The following PLXNC1 variants were observed in gnomAD, a reference collection of about 807,000 sequenced individuals.
PLXNC1 encodes plexin C1, also known as plexin-C1.
In PLXNC1, 75 loss-of-function variants were observed where a neutral mutation model predicts 178.2. The ratio of observed to expected loss-of-function variants is 0.42; its 90% CI spans 0.35 to 0.51. PLXNC1 has a LOEUF of 0.51. Ranked by LOEUF, PLXNC1 falls within the 20% of genes least tolerant of loss-of-function variation. The pLI, the probability that PLXNC1 is intolerant of heterozygous loss-of-function variation, is 0.02. For missense variants in PLXNC1, 1,503 were observed against 1,984.4 expected (o/e 0.76, Z 4.61); for synonymous variants, 790 against 779.9 (o/e 1.01, Z -0.22).
At chr12:94,192,788 C>T (rs1249737626) in intron 4 of PLXNC1, among the ~76,000 whole-genome samples, 1 of 152,120 alleles carries the variant, frequency 6.6e-6, no homozygotes, top group African/African-American at 2.4e-5. Context: ...GAAATATATT[C>T]CACCTACTCT....
chr12:94,164,780 CTCTT>C (rs1277365095), intron 1 of PLXNC1, among the ~76,000 whole-genome samples: 1 of 152,116 alleles, frequency 6.6e-6, no homozygotes, highest in Non-Finnish European at 1.5e-5. Flanking sequence ...AGCTCTTTCT[CTCTT>C]TCAGCCCAAA....
intron 17 of PLXNC1, among the ~76,000 whole-genome samples, chr12:94,257,948 T>TGGGAGGCGGAGGTTGCA (rs1964899837): frequency 6.9e-6 from 1 of 145,164 alleles, no homozygotes; most frequent in South Asian, 2.2e-4. Flanking sequence ...TGCTTGAACC[T>TGGGAGGCGGAGGTTGCA]GGGAGGCGGA....
rs192210319 is a variant in PLXNC1 at position 94,301,684 on chromosome 12, A to T, written c.4386+627A>T. Among the ~76,000 whole-genome samples the T allele has an allele frequency of 7.9e-4, 121 of 152,294 alleles. 1 individual carries two copies. In the East Asian group the frequency reaches 0.022, roughly 28 times the overall value. Reference sequence around the variant, plus strand: ...AATGGATCTTTGAACACTGAGGAGGAGTTCTTGGGCAGGACTTTAAGAGTA... The same window carrying T: ...AATGGATCTTTGAACACTGAGGAGGTGTTCTTGGGCAGGACTTTAAGAGTA... On this transcript the variant is annotated intron_variant, in intron 28 of 30. Coordinates refer to ENST00000258526, the MANE Select transcript of PLXNC1 (RefSeq NM_005761.3).
intron 1 of PLXNC1, among the ~76,000 whole-genome samples, chr12:94,156,389 C>T (rs1167623715): frequency 6.6e-5 from 10 of 152,180 alleles, no homozygotes; most frequent in Non-Finnish European, 1.3e-4. Flanking sequence ...GCACCATCCT[C>T]CTACCAAATA....
At chr12:94,187,021 A>AGG (rs1226143498) in intron 4 of PLXNC1, among the ~76,000 whole-genome samples, 1 of 152,360 alleles carries the variant, frequency 6.6e-6, no homozygotes, top group Middle Eastern at 3.4e-3. Flanking sequence ...ATCTAGGCTC[A>AGG]GGGGCGACTC....
intron 4 of PLXNC1, among the ~76,000 whole-genome samples, chr12:94,203,074 G>C (rs1963190063): frequency 6.6e-6 from 1 of 152,196 alleles, no homozygotes; most frequent in Non-Finnish European, 1.5e-5. Context: ...CAGGAACCCA[G>C]GTGAGAGGTG....
chr12:94,239,341 CTT>C, intron 10 of PLXNC1, among the ~76,000 whole-genome samples: 1 of 152,330 alleles, frequency 6.6e-6, no homozygotes, highest in East Asian at 1.9e-4. Context: ...TTTCACCTCT[CTT>C]CTTCTGAAAT....
intron 4 of PLXNC1, among the ~76,000 whole-genome samples, chr12:94,208,933 C>T (rs1963385358): frequency 6.6e-6 from 1 of 152,194 alleles, no homozygotes; most frequent in African/African-American, 2.4e-5. Flanking sequence ...CTGGGTCAGC[C>T]TCTGAGCTGG....
chr12:94,199,577 A>G lies in PLXNC1; in HGVS notation c.1440-10013A>G, dbSNP rs138753884. ...GAAGGGATTTGGGGGGCTTTCCAAC[A>G]CCAGAAGGGGTCTGGGGGTCAACCT... On this transcript the variant is annotated intron_variant, in intron 4 of 30. Transcript: ENST00000258526. Among the ~76,000 whole-genome samples, 676 of 152,152 alleles carry G rather than the reference A, an allele frequency of 4.4e-3. 6 individuals are homozygous for G. Among genetic ancestry groups the G allele is most frequent in the African/African-American group, 0.016 (645 of 41,520 alleles).
At chr12:94,256,315 G>A (rs1964837798) in intron 17 of PLXNC1, 1 of 152,160 alleles carries the variant, frequency 6.6e-6, no homozygotes, top group Non-Finnish European at 1.5e-5. Flanking sequence ...TAATTTAGAA[G>A]AGGACACCAT....
At chr12:94,242,506 C>T (rs140024067) in intron 11 of PLXNC1, among the ~76,000 whole-genome samples, 2 of 151,936 alleles carry the variant, frequency 1.3e-5, no homozygotes, top group African/African-American at 2.4e-5. Context: ...CCAATGACTT[C>T]GTTTAACCTT....
chr12:94,241,396 T>C (rs1964385378), intron 11 of PLXNC1, among the ~76,000 whole-genome samples: 1 of 152,190 alleles, frequency 6.6e-6, no homozygotes, highest in Non-Finnish European at 1.5e-5. Flanking sequence ...TTTTTAAATA[T>C]GCAATAAATT....
intron 10 of PLXNC1, among the ~76,000 whole-genome samples, chr12:94,240,086 C>T (rs1314853788): frequency 6.6e-6 from 1 of 152,136 alleles, no homozygotes; most frequent in Non-Finnish European, 1.5e-5. Flanking sequence ...ACACCATATC[C>T]TTCACTGCTA....
At chr12:94,185,876 T>G (rs1224487606) in intron 3 of PLXNC1, 1 of 157,658 alleles carries the variant, frequency 6.3e-6, no homozygotes, top group African/African-American at 2.4e-5. Flanking sequence ...CCAGGCAACC[T>G]GATTCCATGA....
intron 21 of PLXNC1, among the ~76,000 whole-genome samples, chr12:94,268,612 T>TTAA (rs148991956): frequency 1.5e-5 from 2 of 130,768 alleles, no homozygotes; most frequent in East Asian, 2.3e-4. Flanking sequence ...TTTTTTTTTT[T>TTAA]AATTTAAGGA....
rs3858611 is a variant in PLXNC1, at chr12:94,185,900, C to A, written c.1339-473C>A. 5.1e-3 allele frequency: 835 copies of A among 164,664 alleles called. 50 individuals are homozygous for A. The East Asian group carries it at 0.12, about 23-fold the overall frequency. The allele number at this position is 164,664 out of a possible 1,614,324, so 10.2% of individuals were successfully genotyped here. ...CTGATTCCATGATCCGTATGGAAAT[C>A]ATCATTAGCAGATCGGAAACCCAAC... is the stretch of plus-strand genomic sequence containing the variant. On this transcript the variant is annotated intron_variant, in intron 3 of 30. Transcript: ENST00000258526.
rs112036879 is a variant in PLXNC1 at position 94,209,615 on chromosome 12, C to G, written c.1465C>G (p.His489Asp). 6.2e-7 allele frequency: 1 copy of G among 1,603,104 alleles called. No homozygotes were observed. ...QRCTFQGDCV[H>D]SENLENWLDI... ...GTGCACTTTTCAAGGAGATTGTGTACATTCAGAGAACTTAGAAAACTGGCT... is the reference window on the plus strand; with the variant it reads ...GTGCACTTTTCAAGGAGATTGTGTAGATTCAGAGAACTTAGAAAACTGGCT... The change falls in exon 5 of 31, where the codon CAT becomes GAT. Residue 489 changes from histidine (H) to aspartate (D), a missense_variant. Physicochemically the swap from His to Asp is moderately conservative, Grantham distance 81. This residue lies in a region of PLXNC1 where 615 missense variants were observed against 698.6 expected (regional missense o/e 0.88). Coordinates refer to ENST00000258526, the MANE Select transcript of PLXNC1 (RefSeq NM_005761.3).
intron 4 of PLXNC1, among the ~76,000 whole-genome samples, chr12:94,206,069 A>G (rs530901959): frequency 6.6e-6 from 1 of 152,280 alleles, no homozygotes; most frequent in African/African-American, 2.4e-5. Flanking sequence ...GGCACACAGT[A>G]ATGTTTCCTC....
chr12:94,271,854 G>A (rs555700075), intron 21 of PLXNC1, among the ~76,000 whole-genome samples: 1 of 152,212 alleles, frequency 6.6e-6, no homozygotes, highest in Admixed American at 6.5e-5. Flanking sequence ...TATTGATGAT[G>A]TGGGATGTGG....
Sources: allele counts gnomAD v4.1 joint callset (sites outside exome capture counted in the v4.1 genomes callset), GRCh38; gene constraint gnomAD v4.1.1; regional missense constraint gnomAD v4.1.1; transcripts MANE v1.5; gene names NCBI Gene and HGNC (gene_info 2026-07-23, HGNC 2026-07-21).